Variants in HYDIN observed in about 807,000 individuals in gnomAD.
HYDIN encodes the protein axonemal central pair apparatus protein HYDIN.
Under a neutral mutation model 403.9 loss-of-function variants are expected in HYDIN, and 132 were observed. The ratio of observed to expected loss-of-function variants is 0.33; its 90% CI spans 0.28 to 0.38. The LOEUF (loss-of-function observed/expected upper bound fraction) is 0.38, where lower values mean the gene tolerates loss of function less well. Ranked by LOEUF, HYDIN falls within the 10% of genes least tolerant of loss-of-function variation. The probability of loss-of-function intolerance (pLI) is 1.00; values close to 1 mark genes in which losing one functional copy is unlikely to be tolerated. For synonymous variants in HYDIN, 1,202 were observed against 1,891.7 expected (o/e 0.64, Z 9.46); for missense variants, 2,827 against 5,009.5 (o/e 0.56, Z 13.15).
intron 1 of HYDIN, among the ~76,000 whole-genome samples, chr16:71,192,082 G>A (rs1242505292): frequency 6.6e-6 from 1 of 152,122 alleles, no homozygotes; most frequent in Non-Finnish European, 1.5e-5. Context: ...AGGCACAGAG[G>A]AGGTAAGTAA....
chr16:70,811,066 A>G (rs2035466411), intron 84 of HYDIN, among the ~76,000 whole-genome samples: 2 of 152,200 alleles, frequency 1.3e-5, no homozygotes, highest in Admixed American at 6.5e-5. Context: ...TTTCAATTTC[A>G]TATACTTTTA....
Position 70,941,373 on chromosome 16 carries a change from G to C in HYDIN, c.6853+263C>G, listed in dbSNP as rs189896471. 1,239 of 286,534 alleles carry C rather than the reference G, an allele frequency of 4.3e-3. 4 individuals carry two copies. The highest frequency in any genetic ancestry group is 5.8e-3 in the Non-Finnish European group (898 of 155,210). The allele number at this position is 286,534 out of a possible 1,614,324, so 17.7% of individuals were successfully genotyped here. A position where few individuals can be genotyped will look rare whatever the true frequency, so the allele number is the denominator to read the frequency against. On this transcript the variant is annotated intron_variant, in intron 43 of 85. Transcript: ENST00000393567. ...AACAAAACCAACAAGGAAATCAGTT[G>C]CCTGAGTCAGGATGGGACCCGTAAT...
At chr16:70,962,675 T>A (rs1320118113) in intron 37 of HYDIN, among the ~76,000 whole-genome samples, 2 of 147,922 alleles carry the variant, frequency 1.4e-5, no homozygotes, top group East Asian at 4.0e-4. Flanking sequence ...TGATTGCCCA[T>A]TGTTCTATAG....
chr16:71,216,186 T>C (rs772855836), intron 1 of HYDIN, among the ~76,000 whole-genome samples: 9 of 152,204 alleles, frequency 5.9e-5, no homozygotes, highest in Non-Finnish European at 1.2e-4. Context: ...AGCAGTGTTA[T>C]TCATAATAGT....
At chr16:70,984,568 C>T (rs4985443) in intron 28 of HYDIN, among the ~76,000 whole-genome samples, 11,490 of 150,358 alleles carry the variant, frequency 0.076, 482 homozygotes, top group Middle Eastern at 0.14. Context: ...CAGCAGTAAA[C>T]CCAAATATGT....
chr16:70,893,474 C>G (rs2041594573), intron 55 of HYDIN: 1 of 152,224 alleles, frequency 6.6e-6, no homozygotes, highest in African/African-American at 2.4e-5. Flanking sequence ...CCTTTCCTTG[C>G]TGAGGAGCCT....
chr16:70,879,416 C>A lies in HYDIN; in HGVS notation c.10438G>T (p.Val3480Leu). Residue 3480 changes from valine to leucine, a missense_variant, in exon 62 of 86, where the codon GTG becomes TTG. Transcript: ENST00000393567. ...TATTGGTTATGAAGAACTGGCCGCACAACCGTCACTCGAGGGAGGTTCCCC... is the reference window on the plus strand; with the variant it reads ...TATTGGTTATGAAGAACTGGCCGCAAAACCGTCACTCGAGGGAGGTTCCCC... The part of the protein sequence containing the change: ...GEGNLPRVTV[V>L]RPVLHNQYGN... 4 of 1,606,214 alleles carry A rather than the reference C, an allele frequency of 2.5e-6. No homozygotes were observed. The highest frequency in any genetic ancestry group is 3.4e-6 in the Non-Finnish European group (4 of 1,173,986).
At chr16:71,110,424 TA>T (rs1281809192) in intron 10 of HYDIN, among the ~76,000 whole-genome samples, 1 of 141,568 alleles carries the variant, frequency 7.1e-6, no homozygotes, top group Non-Finnish European at 1.5e-5. Context: ...TATTTATATA[TA>T]ATTATAAATA....
intron 3 of HYDIN, among the ~76,000 whole-genome samples, chr16:71,179,351 A>AG (rs397768249): frequency 6.6e-6 from 1 of 152,054 alleles, no homozygotes; most frequent in Non-Finnish European, 1.5e-5. Context: ...AAAAAAAAAA[A>AG]CAAACCTCTG....
intron 4 of HYDIN, among the ~76,000 whole-genome samples, chr16:71,176,075 G>A (rs2086657977): frequency 6.6e-6 from 1 of 152,106 alleles, no homozygotes; most frequent in African/African-American, 2.4e-5. Context: ...GGAGGCCGAG[G>A]CAGGAGGATC....
At chr16:71,208,480 A>G (rs2088413099) in intron 1 of HYDIN, among the ~76,000 whole-genome samples, 1 of 152,208 alleles carries the variant, frequency 6.6e-6, no homozygotes, top group South Asian at 2.1e-4. Context: ...TTAACAACCT[A>G]ACATCACAAT....
chr16:70,945,850 T>C (rs1266652573), intron 41 of HYDIN, among the ~76,000 whole-genome samples: 1 of 152,004 alleles, frequency 6.6e-6, no homozygotes, highest in Non-Finnish European at 1.5e-5. Context: ...AGCCGTGGAA[T>C]GGTGGGGACA....
rs746949461 is a variant in HYDIN, at chr16:70,970,603, C to T, written c.5536G>A (p.Glu1846Lys). 78 of 1,373,412 alleles carry T rather than the reference C, an allele frequency of 5.7e-5. No individual in the cohort carries two copies. The East Asian group carries it at 6.2e-4, about 11-fold the overall frequency. 85.1% of individuals were successfully genotyped at this position (1,373,412 alleles called of 1,614,324 possible). Residue 1846 changes from glutamate to lysine, a missense_variant, in exon 36 of 86, where the codon GAG becomes AAG. By Grantham distance (56) the Glu-to-Lys change is moderately conservative (BLOSUM62 1). Coordinates refer to ENST00000393567, the MANE Select transcript of HYDIN (RefSeq NM_001270974.2). ...LLLCAPGDEA[E>K]VIVKNPCNFP... ...TTGCAGGGATTCTTCACTATCACCT[C>T]GGCCTCGTCTCCAGGTGCACAAAGT... is the stretch of plus-strand genomic sequence containing the variant.
chr16:71,058,609 T>C (rs1360523824), intron 18 of HYDIN, among the ~76,000 whole-genome samples: 1 of 105,394 alleles, frequency 9.5e-6, no homozygotes, highest in East Asian at 2.3e-4. Context: ...AATAAATAAA[T>C]AAATAAAATT....
At position 71,228,921 on chromosome 16, in the gene HYDIN, G is replaced by A. The variant is rs142989233; in HGVS notation, c.-24+1641C>T. On this transcript the variant is annotated intron_variant, in intron 1 of 85. Coordinates refer to ENST00000393567, the MANE Select transcript of HYDIN (RefSeq NM_001270974.2). ...GGAACCAACCCAAATGTCCATCAAC[G>A]ATAGACTGAGTTAAGAAAATGTGGC... Among the ~76,000 whole-genome samples, 759 of 152,162 alleles carry A rather than the reference G, an allele frequency of 5.0e-3. 3 individuals carry two copies. The highest frequency in any genetic ancestry group is 7.4e-3 in the Admixed American group (113 of 15,290).
chr16:70,933,047 T>G (rs1269368740), intron 45 of HYDIN, among the ~76,000 whole-genome samples: 1 of 151,776 alleles, frequency 6.6e-6, no homozygotes, highest in South Asian at 2.1e-4. Flanking sequence ...AAATACACTT[T>G]ATGTTTCTGC....
intron 73 of HYDIN, among the ~76,000 whole-genome samples, chr16:70,853,881 C>CT (rs2038833536): frequency 2.1e-5 from 3 of 144,798 alleles, no homozygotes; most frequent in African/African-American, 8.3e-5. Flanking sequence ...CTTATTTCTT[C>CT]TTCTTTCTTT....
chr16:70,854,743 A>ATG (rs2038908583), intron 73 of HYDIN, among the ~76,000 whole-genome samples: 1 of 135,512 alleles, frequency 7.4e-6, no homozygotes, highest in Non-Finnish European at 1.6e-5. Context: ...CCTGACCTCA[A>ATG]GTGATTCGCC....
intron 18 of HYDIN, among the ~76,000 whole-genome samples, chr16:71,040,908 A>T (rs1367557506): frequency 7.4e-6 from 1 of 135,842 alleles, no homozygotes; most frequent in Non-Finnish European, 1.6e-5. Flanking sequence ...TCTCCACTCA[A>T]ATGTTCCGAC....
Sources: allele counts gnomAD v4.1 joint callset (sites outside exome capture counted in the v4.1 genomes callset), GRCh38; gene constraint gnomAD v4.1.1; transcripts MANE v1.5; gene names NCBI Gene and HGNC (gene_info 2026-07-23, HGNC 2026-07-21).